SYN2: variants seen among roughly 807,000 people sequenced by gnomAD.
SYN2 encodes synapsin-2.
Under a neutral mutation model 50.9 loss-of-function variants are expected in SYN2, and 19 were observed. That is an observed-to-expected ratio of 0.37 (90% CI 0.26 to 0.55). The LOEUF is 0.55. Among genes scored for constraint, SYN2 ranks in the 20% least tolerant of loss-of-function variants. The probability of loss-of-function intolerance (pLI) is 0.81; values close to 1 mark genes in which losing one functional copy is unlikely to be tolerated. For missense variants in SYN2, 587 were observed against 576.4 expected (o/e 1.02, Z -0.19); for synonymous variants, 255 against 224.9 (o/e 1.13, Z -1.20).
chr3:12,049,105 C>CT (rs1403114285), intron 1 of SYN2, among the ~76,000 whole-genome samples: 1 of 152,134 alleles, frequency 6.6e-6, no homozygotes, highest in Non-Finnish European at 1.5e-5. Context: ...TTATCGAACA[C>CT]TTAGGGTATG....
intron 1 of SYN2, among the ~76,000 whole-genome samples, chr3:12,053,045 T>C (rs1374001847): frequency 1.3e-5 from 2 of 152,170 alleles, no homozygotes; most frequent in African/African-American, 4.8e-5. Flanking sequence ...ATTATTCCCA[T>C]TTGATAAATG....
chr3:12,018,367 G>A (rs961916203), intron 1 of SYN2, among the ~76,000 whole-genome samples: 1 of 152,216 alleles, frequency 6.6e-6, no homozygotes, highest in Non-Finnish European at 1.5e-5. Context: ...GGGAAAGGAA[G>A]AAGTTTGGAT....
Position 12,004,858 on chromosome 3 carries a change from C to T in SYN2, c.307C>T (p.Pro103Ser), listed in dbSNP as rs1693758112. ...CGCCTCGGCTGGCCTGGTGGACGCG[C>T]CCGCTCCCGCGCCCGCAGCCGCCAG... ...TAASAGLVDA[P>S]APAPAAARKA... is the part of the protein sequence containing the mutation. Residue 103 changes from proline to serine, a missense_variant, in exon 1 of 13, where the codon CCC becomes TCC. Pro to Ser is a moderately conservative substitution (Grantham distance 74). Coordinates refer to ENST00000621198, the MANE Select transcript of SYN2 (RefSeq NM_133625.6). The T allele has an allele frequency of 1.8e-6, 1 of 558,226 alleles. No homozygotes were observed. Among genetic ancestry groups the T allele is most frequent in the Admixed American group, 3.1e-5 (1 of 31,952 alleles). 34.6% of individuals were successfully genotyped at this position (558,226 alleles called of 1,614,324 possible).
chr3:12,044,183 A>ACT (rs1694683159), intron 1 of SYN2, among the ~76,000 whole-genome samples: 1 of 49,076 alleles, frequency 2.0e-5, no homozygotes, highest in African/African-American at 4.3e-5. Context: ...TCTCTCTCTC[A>ACT]CACACACACA....
chr3:12,156,687 A>G (rs980010818), intron 5 of SYN2: 1 of 636,348 alleles, frequency 1.6e-6, no homozygotes, highest in East Asian at 2.7e-5. Context: ...TCACTAACAC[A>G]GCTCTGTTTT....
intron 1 of SYN2, among the ~76,000 whole-genome samples, chr3:12,108,808 TAAA>T (rs5846746): frequency 1.4e-5 from 2 of 143,412 alleles, no homozygotes; most frequent in Admixed American, 6.9e-5. Context: ...TGGTTGGGTT[TAAA>T]AAAAAAAAAA....
At chr3:12,091,649 A>C (rs778837737) in intron 1 of SYN2, among the ~76,000 whole-genome samples, 4 of 152,128 alleles carry the variant, frequency 2.6e-5, no homozygotes, top group Non-Finnish European at 4.4e-5. Context: ...GGTATTTTTA[A>C]AATTTAAGTT....
chr3:12,085,956 A>G (rs1279586230), intron 1 of SYN2, among the ~76,000 whole-genome samples: 3 of 152,140 alleles, frequency 2.0e-5, no homozygotes, highest in African/African-American at 7.2e-5. Flanking sequence ...CAATAAAACT[A>G]AAAGTTGGGT....
At chr3:12,132,121 C>T (rs772221859) in intron 1 of SYN2, among the ~76,000 whole-genome samples, 1 of 151,116 alleles carries the variant, frequency 6.6e-6, no homozygotes, top group Non-Finnish European at 1.5e-5. Flanking sequence ...ATCCTCCAGC[C>T]TCAGCCTCCC....
chr3:12,151,535 A>G (rs1389669566), intron 5 of SYN2, among the ~76,000 whole-genome samples: 2 of 152,184 alleles, frequency 1.3e-5, no homozygotes, highest in African/African-American at 4.8e-5. Context: ...GAAAAACAGG[A>G]GTAAGGGCAG....
chr3:12,178,015 G>T (rs1293806891), intron 10 of SYN2, among the ~76,000 whole-genome samples: 1 of 152,220 alleles, frequency 6.6e-6, no homozygotes, highest in African/African-American at 2.4e-5. Flanking sequence ...GCTGGTGACT[G>T]CAGGGGCAAG....
At chr3:12,155,447 C>G (rs1210330405) in intron 5 of SYN2, among the ~76,000 whole-genome samples, 1 of 152,198 alleles carries the variant, frequency 6.6e-6, no homozygotes, top group Non-Finnish European at 1.5e-5. Flanking sequence ...GCCTACCAAA[C>G]AGGTTGGGGG....
intron 1 of SYN2, among the ~76,000 whole-genome samples, chr3:12,050,711 CTT>C (rs57099569): frequency 4.2e-4 from 21 of 50,552 alleles, no homozygotes; most frequent in South Asian, 2.1e-3. Flanking sequence ...CTTCTCTTCT[CTT>C]TTTTTTTTTT....
At chr3:12,112,966 C>T (rs1367819786) in intron 1 of SYN2, among the ~76,000 whole-genome samples, 2 of 152,146 alleles carry the variant, frequency 1.3e-5, no homozygotes, top group East Asian at 3.8e-4. Context: ...GTAGGTAAGA[C>T]TTGAGTTGAA....
At chr3:12,114,752 A>G (rs1014514783) in intron 1 of SYN2, among the ~76,000 whole-genome samples, 2 of 152,218 alleles carry the variant, frequency 1.3e-5, no homozygotes, top group Non-Finnish European at 2.9e-5. Flanking sequence ...TTATTTAGAA[A>G]TGTACTATTT....
At chr3:12,100,390 C>T (rs913761671) in intron 1 of SYN2, among the ~76,000 whole-genome samples, 3 of 152,066 alleles carry the variant, frequency 2.0e-5, no homozygotes, top group African/African-American at 7.2e-5. Flanking sequence ...GATGAAGGAA[C>T]AAGAGTCAAC....
At chr3:12,062,462 A>G (rs1282257123) in intron 1 of SYN2, among the ~76,000 whole-genome samples, 2 of 152,048 alleles carry the variant, frequency 1.3e-5, no homozygotes, top group Non-Finnish European at 2.9e-5. Context: ...TTTTAGATAC[A>G]GCACCAAAAA....
chr3:12,187,343 T>C (rs1698361263), intron 11 of SYN2, 26 bp from the exon 12 acceptor site: 2 of 1,502,348 alleles, frequency 1.3e-6, no homozygotes, highest in Admixed American at 2.3e-5. Flanking sequence ...GGTTAAATTA[T>C]GAAGTTTTTC....
chr3:12,004,526 C>A lies in SYN2; in HGVS notation c.-26C>A, dbSNP rs761237591. The stretch of plus-strand genomic sequence containing the variant: ...TCCGCGCCACCAGACCCCGTAGCCC[C>A]GCGCGCCCCCAGCCCTTTAAGCCAG... On this transcript the variant is annotated 5_prime_UTR_variant, in exon 1 of 13. Transcript: ENST00000621198. 1.0e-5 allele frequency: 6 copies of A among 577,006 alleles called. No individual in the cohort carries two copies. Among genetic ancestry groups the A allele is most frequent in the South Asian group, 1.9e-5 (1 of 51,754 alleles). 35.7% of individuals were successfully genotyped at this position (577,006 alleles called of 1,614,324 possible). A position where few individuals can be genotyped will look rare whatever the true frequency, so the allele number is the denominator to read the frequency against.
Sources: allele counts gnomAD v4.1 joint callset (sites outside exome capture counted in the v4.1 genomes callset), GRCh38; gene constraint gnomAD v4.1.1; transcripts MANE v1.5; gene names NCBI Gene and HGNC (gene_info 2026-07-23, HGNC 2026-07-21).